Variants in PTPRM observed in about 807,000 individuals in gnomAD.
PTPRM encodes the protein receptor-type tyrosine-protein phosphatase mu.
A neutral mutation model predicts 186.7 loss-of-function variants in PTPRM; 47 were observed. That is an observed-to-expected ratio of 0.25 (90% CI 0.20 to 0.32). PTPRM has a LOEUF of 0.32. Ranked by LOEUF, PTPRM falls within the 10% of genes least tolerant of loss-of-function variation. The probability of loss-of-function intolerance (pLI) is 1.00; values close to 1 mark genes in which losing one functional copy is unlikely to be tolerated. For synonymous variants in PTPRM, 668 were observed against 674.9 expected (o/e 0.99, Z 0.16); for missense variants, 1,494 against 1,865.0 (o/e 0.80, Z 3.66).
intron 2 of PTPRM, among the ~76,000 whole-genome samples, chr18:7,872,951 G>C (rs2048052995): frequency 6.6e-6 from 1 of 152,092 alleles, no homozygotes; most frequent in South Asian, 2.1e-4. Flanking sequence ...AATATCCTCT[G>C]GGCTTCTGAA....
At chr18:7,779,383 T>G (rs185301613) in intron 2 of PTPRM, among the ~76,000 whole-genome samples, 3 of 152,314 alleles carry the variant, frequency 2.0e-5, no homozygotes, top group Admixed American at 2.0e-4. Context: ...GAAATGTGAC[T>G]AAGAATTGAA....
chr18:8,250,723 G>A (rs1306639973), intron 17 of PTPRM, among the ~76,000 whole-genome samples: 1 of 151,518 alleles, frequency 6.6e-6, no homozygotes, highest in Non-Finnish European at 1.5e-5. Context: ...CAGGAGTTTG[G>A]GGCTGCAGTG....
intron 31 of PTPRM, among the ~76,000 whole-genome samples, chr18:8,389,638 G>A (rs1222823541): frequency 6.6e-6 from 1 of 152,194 alleles, no homozygotes; most frequent in East Asian, 1.9e-4. Context: ...ATCAAGGTGG[G>A]CATGAGACCT....
chr18:7,694,838 C>T (rs1598387755), intron 1 of PTPRM, among the ~76,000 whole-genome samples: 1 of 151,808 alleles, frequency 6.6e-6, no homozygotes, highest in African/African-American at 2.4e-5. Flanking sequence ...AGGTCAGGAT[C>T]AATATATTTA....
chr18:7,573,692 C>T (rs187358776), intron 1 of PTPRM, among the ~76,000 whole-genome samples: 3 of 152,098 alleles, frequency 2.0e-5, no homozygotes, highest in East Asian at 1.9e-4. Flanking sequence ...CGGGTTCAAG[C>T]GATTCTCCTG....
At chr18:7,626,518 G>A (rs1055328516) in intron 1 of PTPRM, among the ~76,000 whole-genome samples, 2 of 152,124 alleles carry the variant, frequency 1.3e-5, no homozygotes, top group African/African-American at 4.8e-5. Context: ...GAGTGGAAGG[G>A]GCATACAGAT....
chr18:7,907,889 CT>C lies in PTPRM; in HGVS notation c.547+1319del, dbSNP rs200193157. ...CCAGCCATACAAATTTCTCTGTATTCTTTTTTTTTTTTTAACTTAAGTGTTA... is the reference window on the plus strand; with the variant it reads ...CCAGCCATACAAATTTCTCTGTATTCTTTTTTTTTTTTAACTTAAGTGTTA... On this transcript the variant is annotated intron_variant, in intron 4 of 32. Coordinates refer to ENST00000580170, the MANE Select transcript of PTPRM (RefSeq NM_001105244.2). Among the ~76,000 whole-genome samples, 1,391 of 142,454 alleles carry C rather than the reference CT, an allele frequency of 9.8e-3. 9 individuals carry two copies. The highest frequency in any genetic ancestry group is 0.017 in the African/African-American group (675 of 39,276). 93.5% of individuals were successfully genotyped at this position (142,454 alleles called of 152,430 possible).
In PTPRM at chr18:7,888,838, G is replaced by A. The variant is rs1204638745; in HGVS notation, c.468+461G>A. Among the ~76,000 whole-genome samples the A allele has an allele frequency of 2.0e-5, 3 of 152,156 alleles. No individual in the cohort carries two copies. In the East Asian group the frequency reaches 5.8e-4, roughly 29 times the overall value. ...ATCATGTCTTTAGCAGCAACTGGAA[G>A]CCATTATCCCAAGCGAATTAATGCA... On this transcript the variant is annotated intron_variant, in intron 3 of 32. Transcript: ENST00000580170.
intron 14 of PTPRM, among the ~76,000 whole-genome samples, chr18:8,240,786 GA>G (rs750539753): frequency 0.39 from 27,553 of 70,700 alleles, 3,662 homozygotes; most frequent in African/African-American, 0.52. Context: ...GGGAGAGAGA[GA>G]GAGAGAGAGA....
At chr18:8,115,030 T>A (rs982457862) in intron 13 of PTPRM, among the ~76,000 whole-genome samples, 4 of 151,886 alleles carry the variant, frequency 2.6e-5, no homozygotes, top group African/African-American at 9.7e-5. Context: ...ATATAGATAC[T>A]TTTTAAAATA....
intron 14 of PTPRM, among the ~76,000 whole-genome samples, chr18:8,240,651 G>GAAAGAAAA (rs1208165737): frequency 3.0e-5 from 1 of 33,838 alleles, no homozygotes; most frequent in African/African-American, 1.8e-4. Context: ...GAGAGAGAGA[G>GAAAGAAAA]AGAAAGAAAG....
chr18:8,339,982 C>T (rs552242367), intron 22 of PTPRM, among the ~76,000 whole-genome samples: 1 of 147,664 alleles, frequency 6.8e-6, no homozygotes, highest in Admixed American at 6.8e-5. Flanking sequence ...TTTCTACCCT[C>T]AAAAAAAAAA....
chr18:7,605,321 A>C (rs2037503549), intron 1 of PTPRM, among the ~76,000 whole-genome samples: 1 of 152,210 alleles, frequency 6.6e-6, no homozygotes, highest in Non-Finnish European at 1.5e-5. Flanking sequence ...AATATTGTGA[A>C]GCAGAAAGGC....
intron 14 of PTPRM, among the ~76,000 whole-genome samples, chr18:8,220,992 TC>T (rs1415143427): frequency 6.6e-6 from 1 of 152,068 alleles, no homozygotes; most frequent in Non-Finnish European, 1.5e-5. Context: ...ATGAGAATAA[TC>T]AGATGAAATA....
At chr18:8,024,322 G>A (rs557299173) in intron 7 of PTPRM, among the ~76,000 whole-genome samples, 5 of 151,934 alleles carry the variant, frequency 3.3e-5, no homozygotes, top group East Asian at 1.9e-4. Context: ...GTTGATCTCC[G>A]TCATTAGTTT....
At position 8,171,197 on chromosome 18, in the gene PTPRM, T is replaced by A. The variant is rs373466767; in HGVS notation, c.2300+27418T>A. On this transcript the variant is annotated intron_variant, in intron 14 of 32. Coordinates refer to ENST00000580170, the MANE Select transcript of PTPRM (RefSeq NM_001105244.2). ...CCTTTTCCTGCTAGAGAACTTTTTT[T>A]AAAAAGTTGCAGTGTTTACTGTCTG... Among the ~76,000 whole-genome samples, 50 of 152,302 alleles carry A rather than the reference T, an allele frequency of 3.3e-4. 1 individual carries two copies. The highest frequency in any genetic ancestry group is 1.2e-3 in the South Asian group (6 of 4,826).
intron 1 of PTPRM, among the ~76,000 whole-genome samples, chr18:7,607,753 C>G (rs2037569260): frequency 6.6e-6 from 1 of 152,196 alleles, no homozygotes; most frequent in Non-Finnish European, 1.5e-5. Context: ...AAATAAGTGT[C>G]CTGGATGCCG....
chr18:8,296,491 C>G, intron 20 of PTPRM, 36 bp downstream of exon 20: 1 of 1,496,496 alleles, frequency 6.7e-7, no homozygotes, highest in South Asian at 1.1e-5. Context: ...TGTTGTAGAA[C>G]TTCCTTTTTG....
At chr18:7,824,479 GAA>G (rs2045378078) in intron 2 of PTPRM, among the ~76,000 whole-genome samples, 1 of 152,278 alleles carries the variant, frequency 6.6e-6, no homozygotes, top group South Asian at 2.1e-4. Context: ...TTATTTGTAA[GAA>G]GAGATCTTTT....
Sources: gnomAD v4.1 joint callset for allele counts (sites outside exome capture counted in the v4.1 genomes callset) on GRCh38, gnomAD v4.1.1 for gene constraint, MANE v1.5 for transcripts, NCBI Gene and HGNC (gene_info 2026-07-23, HGNC 2026-07-21) for gene names.